Variants in FAF1 observed in about 807,000 individuals in gnomAD.
The protein encoded by FAF1 is Fas associated factor 1.
In FAF1, 25 loss-of-function variants were observed where a neutral mutation model predicts 92.5. The observed-to-expected ratio is 0.27, with a 90% CI of 0.20 to 0.38. FAF1 has a LOEUF of 0.38. FAF1 is among the 10% of genes least tolerant of loss of function. The pLI, the probability that FAF1 is intolerant of heterozygous loss-of-function variation, is 1.00. For synonymous variants in FAF1, 234 were observed against 273.2 expected (o/e 0.86, Z 1.42); for missense variants, 636 against 793.3 (o/e 0.80, Z 2.38).
At chr1:50,649,513 A>G (rs1654758767) in intron 8 of FAF1, among the ~76,000 whole-genome samples, 1 of 152,174 alleles carries the variant, frequency 6.6e-6, no homozygotes, top group Admixed American at 6.5e-5. Flanking sequence ...CACATTCTCA[A>G]TGTGAAAATA....
chr1:50,575,220 A>G (rs1650670567), intron 12 of FAF1, among the ~76,000 whole-genome samples: 1 of 152,134 alleles, frequency 6.6e-6, no homozygotes, highest in Non-Finnish European at 1.5e-5. Context: ...ATGGCAGTGT[A>G]TGTCTAAACT....
intron 8 of FAF1, among the ~76,000 whole-genome samples, chr1:50,638,445 C>CTTT (rs35054798): frequency 2.3e-5 from 3 of 131,628 alleles, no homozygotes; most frequent in Non-Finnish European, 4.8e-5. Flanking sequence ...TTTTCTTTTT[C>CTTT]TTTTTTTTTT....
chr1:50,694,061 TATGACATATAC>T lies in FAF1; in HGVS notation c.657+11714_657+11724del, dbSNP rs1271541743. On this transcript the variant is annotated intron_variant, in intron 7 of 18. Coordinates refer to ENST00000396153, the MANE Select transcript of FAF1 (RefSeq NM_007051.3). The stretch of plus-strand genomic sequence containing the variant: ...ATATACATGACATGTATGACATATA[TATGACATATAC>T]ATGACATATATATAAAAAAAACTGA... Among the ~76,000 whole-genome samples, 605 of 140,068 alleles carry T rather than the reference TATGACATATAC, an allele frequency of 4.3e-3. 4 individuals carry two copies. The highest frequency in any genetic ancestry group is 0.019 in the African/African-American group (580 of 30,168). The allele number at this position is 140,068 out of a possible 152,430, so 91.9% of individuals were successfully genotyped here.
At chr1:50,624,438 C>T (rs1157100545) in intron 8 of FAF1, among the ~76,000 whole-genome samples, 2 of 152,100 alleles carry the variant, frequency 1.3e-5, no homozygotes, top group Non-Finnish European at 2.9e-5. Context: ...TGAGCCACCG[C>T]GCCCGGCCAA....
intron 18 of FAF1, among the ~76,000 whole-genome samples, chr1:50,450,161 TC>T (rs1464582061): frequency 5.0e-5 from 7 of 140,306 alleles, no homozygotes; most frequent in Non-Finnish European, 1.1e-4. Context: ...GCCACTGTAC[TC>T]CAGCCTGGGT....
chr1:50,471,768 G>T (rs1358649135), intron 18 of FAF1, among the ~76,000 whole-genome samples: 3 of 152,090 alleles, frequency 2.0e-5, no homozygotes. Flanking sequence ...GTGCTTTCCA[G>T]TCATTTTATA....
chr1:50,874,411 G>C (rs1327912979), intron 1 of FAF1, among the ~76,000 whole-genome samples: 1 of 152,030 alleles, frequency 6.6e-6, no homozygotes, highest in Non-Finnish European at 1.5e-5. Flanking sequence ...ACCTAGCCTA[G>C]AGTATAGTAG....
At chr1:50,915,049 C>A (rs897234876) in intron 1 of FAF1, among the ~76,000 whole-genome samples, 7 of 152,162 alleles carry the variant, frequency 4.6e-5, no homozygotes, top group African/African-American at 1.4e-4. Flanking sequence ...ATGCTTCTGT[C>A]CTCTTCTACT....
chr1:50,764,334 G>T (rs549029720), intron 4 of FAF1, among the ~76,000 whole-genome samples: 1 of 152,130 alleles, frequency 6.6e-6, no homozygotes, highest in Non-Finnish European at 1.5e-5. Flanking sequence ...TTACGTATAA[G>T]GTCGAGGAAT....
intron 15 of FAF1, among the ~76,000 whole-genome samples, chr1:50,495,119 A>G (rs1232180753): frequency 1.3e-5 from 2 of 152,150 alleles, no homozygotes; most frequent in African/African-American, 4.8e-5. Context: ...GTTACAAACA[A>G]TCCAGTTAAA....
chr1:50,813,848 TTTATCC>T (rs1643940938), intron 2 of FAF1, among the ~76,000 whole-genome samples: 1 of 152,100 alleles, frequency 6.6e-6, no homozygotes, highest in Non-Finnish European at 1.5e-5. Flanking sequence ...CTCTTAAGTA[TTTATCC>T]TGAAGAAAAT....
chr1:50,830,440 T>C (rs918975100), intron 2 of FAF1, among the ~76,000 whole-genome samples: 7 of 152,302 alleles, frequency 4.6e-5, no homozygotes, highest in South Asian at 4.1e-4. Flanking sequence ...TACAGAGACA[T>C]TGGGAAAAAG....
At chr1:50,790,446 G>A (rs1162762099) in intron 3 of FAF1, among the ~76,000 whole-genome samples, 1 of 152,044 alleles carries the variant, frequency 6.6e-6, no homozygotes, top group African/African-American at 2.4e-5. Context: ...GGCTTTATTT[G>A]TGTTTTTAAT....
chr1:50,501,167 A>C (rs1037547151), intron 15 of FAF1, among the ~76,000 whole-genome samples: 1 of 152,228 alleles, frequency 6.6e-6, no homozygotes, highest in Non-Finnish European at 1.5e-5. Flanking sequence ...TTGTATCTAA[A>C]ACACATAAAG....
rs1645302857 is a variant in FAF1 at position 50,959,948 on chromosome 1, C to A, written c.-137G>T. On this transcript the variant is annotated 5_prime_UTR_variant, in exon 1 of 19. Transcript: ENST00000396153. ...CTGGCGGGCGAGCCGGCGGGCGGGT[C>A]GGCGGGCCAGCGGGCGGGGCAGCGC... The A allele has an allele frequency of 4.9e-6, 2 of 410,298 alleles. No individual in the cohort carries two copies. Among genetic ancestry groups the A allele is most frequent in the South Asian group, 2.2e-4 (2 of 9,150 alleles). The allele number at this position is 410,298 out of a possible 1,614,324, so 25.4% of individuals were successfully genotyped here. A position where few individuals can be genotyped will look rare whatever the true frequency, so the allele number is the denominator to read the frequency against.
At chr1:50,815,746 G>A (rs144037382) in intron 2 of FAF1, among the ~76,000 whole-genome samples, 2,748 of 152,228 alleles carry the variant, frequency 0.018, 34 homozygotes, top group Non-Finnish European at 0.026. Context: ...CATTCTGGCT[G>A]GGCACGGTGG....
At chr1:50,921,383 T>C (rs949810650) in intron 1 of FAF1, among the ~76,000 whole-genome samples, 1 of 152,206 alleles carries the variant, frequency 6.6e-6, no homozygotes, top group African/African-American at 2.4e-5. Flanking sequence ...CTGAGGGAAT[T>C]CTTAACAACA....
intron 4 of FAF1, among the ~76,000 whole-genome samples, chr1:50,754,627 C>A (rs1193439629): frequency 1.3e-5 from 2 of 152,116 alleles, no homozygotes; most frequent in African/African-American, 4.8e-5. Flanking sequence ...GCATTTGAAC[C>A]ATAAGTTTCC....
chr1:50,956,896 C>G (rs940942717), intron 1 of FAF1, among the ~76,000 whole-genome samples: 2 of 152,060 alleles, frequency 1.3e-5, no homozygotes, highest in African/African-American at 4.8e-5. Flanking sequence ...TGCAGTGAGG[C>G]GAGATCATGC....
Sources: allele counts gnomAD v4.1 joint callset (sites outside exome capture counted in the v4.1 genomes callset), GRCh38; gene constraint gnomAD v4.1.1; transcripts MANE v1.5; gene names NCBI Gene and HGNC (gene_info 2026-07-23, HGNC 2026-07-21).